Variants in FANCC observed in about 807,000 individuals in gnomAD.
FANCC encodes the protein Fanconi anemia group C protein.
A neutral mutation model predicts 71.3 loss-of-function variants in FANCC; 55 were observed. The ratio of observed to expected loss-of-function variants is 0.77; its 90% CI spans 0.62 to 0.97. FANCC has a LOEUF of 0.97. Among genes scored for constraint, FANCC ranks in the 50% least tolerant of loss-of-function variants. The probability of loss-of-function intolerance (pLI) is 0.00; values close to 1 mark genes in which losing one functional copy is unlikely to be tolerated. For synonymous variants in FANCC, 275 were observed against 244.9 expected (o/e 1.12, Z -1.15); for missense variants, 678 against 670.9 (o/e 1.01, Z -0.12).
chr9:95,099,646 TGAA>T lies in FANCC; in HGVS notation c.*2058_*2060del. ...GGCTGGGAAAGGGCAAAGGGCCACA[TGAA>T]GCCAGCAGGCACTTCAGTGCCACGT... On this transcript the variant is annotated 3_prime_UTR_variant, in exon 15 of 15. Coordinates refer to ENST00000289081, the MANE Select transcript of FANCC (RefSeq NM_000136.3). 1 of 231,410 alleles carries T rather than the reference TGAA, an allele frequency of 4.3e-6. No individual in the cohort carries two copies. Among genetic ancestry groups the T allele is most frequent in the Non-Finnish European group, 8.5e-6 (1 of 117,032 alleles). The allele number at this position is 231,410 out of a possible 1,614,324, so 14.3% of individuals were successfully genotyped here.
At chr9:95,111,182 T>C (rs1310627255) in intron 13 of FANCC, 1 of 1,536,002 alleles carries the variant, frequency 6.5e-7, no homozygotes, top group South Asian at 1.2e-5. Flanking sequence ...ATATGGCAGC[T>C]GAGCAATAAC....
rs575262012 is a variant in FANCC, at chr9:95,292,501, C to T, written c.-79+25025G>A. On this transcript the variant is annotated intron_variant, in intron 1 of 14. Transcript: ENST00000289081. ...AGCCGGCCGCGGCCCGCGGGGGTGA[C>T]GCAGCAGCCCGCGGCCTCCGTGCTG... is the stretch of plus-strand genomic sequence containing the variant. The T allele has an allele frequency of 8.9e-4, 1,287 of 1,440,166 alleles. 14 individuals carry two copies. In the South Asian group the frequency reaches 0.017, roughly 19 times the overall value. 89.2% of individuals were successfully genotyped at this position (1,440,166 alleles called of 1,614,324 possible). A position where few individuals can be genotyped will look rare whatever the true frequency, so the allele number is the denominator to read the frequency against.
chr9:95,126,813 A>T (rs1216969177), intron 8 of FANCC: 5 of 510,856 alleles, frequency 9.8e-6, no homozygotes, highest in Non-Finnish European at 7.1e-6. Flanking sequence ...ATACTCCTGT[A>T]TGTCCCACAT....
At chr9:95,150,863 A>C (rs1830133073) in intron 6 of FANCC, among the ~76,000 whole-genome samples, 1 of 152,204 alleles carries the variant, frequency 6.6e-6, no homozygotes, top group Non-Finnish European at 1.5e-5. Flanking sequence ...CCCTGGTTGC[A>C]GCTCAAATGT....
intron 1 of FANCC, among the ~76,000 whole-genome samples, chr9:95,255,692 A>C (rs1160793497): frequency 6.6e-6 from 1 of 152,096 alleles, no homozygotes; most frequent in Non-Finnish European, 1.5e-5. Flanking sequence ...CTGGACGGAC[A>C]ATTAGTTTGA....
intron 1 of FANCC, among the ~76,000 whole-genome samples, chr9:95,272,522 C>G (rs79809020): frequency 6.6e-6 from 1 of 151,924 alleles, no homozygotes; most frequent in East Asian, 1.9e-4. Context: ...ACAGTGAAAC[C>G]CTGTCACTAC....
intron 8 of FANCC, among the ~76,000 whole-genome samples, chr9:95,128,068 C>T (rs1484838954): frequency 6.6e-6 from 1 of 152,130 alleles, no homozygotes; most frequent in African/African-American, 2.4e-5. Context: ...GCAGGACCAC[C>T]GTTCAAGAGA....
chr9:95,212,072 G>T (rs1828540301), intron 4 of FANCC, among the ~76,000 whole-genome samples: 1 of 152,038 alleles, frequency 6.6e-6, no homozygotes, highest in South Asian at 2.1e-4. Context: ...AAAGGAAGCA[G>T]AGAGAGAAAA....
intron 6 of FANCC, among the ~76,000 whole-genome samples, chr9:95,151,753 C>A (rs553057111): frequency 4.3e-4 from 65 of 152,130 alleles, no homozygotes; most frequent in Non-Finnish European, 6.9e-4. Context: ...CATGGAGAAA[C>A]CCCAACTCTA....
intron 4 of FANCC, among the ~76,000 whole-genome samples, chr9:95,232,115 G>T (rs1029446148): frequency 1.3e-5 from 2 of 152,172 alleles, no homozygotes; most frequent in African/African-American, 4.8e-5. Flanking sequence ...AAGGTGAAGG[G>T]GGAGCAGGCA....
At chr9:95,276,625 G>A (rs1160562795) in intron 1 of FANCC, among the ~76,000 whole-genome samples, 1 of 152,170 alleles carries the variant, frequency 6.6e-6, no homozygotes, top group Non-Finnish European at 1.5e-5. Context: ...GATTTGAGTA[G>A]GATCTCAAGA....
chr9:95,163,900 T>G (rs189980137), intron 6 of FANCC, among the ~76,000 whole-genome samples: 2 of 152,196 alleles, frequency 1.3e-5, no homozygotes, highest in African/African-American at 4.8e-5. Context: ...TACCCATCTA[T>G]GAACATGGGA....
chr9:95,292,746 T>C, intron 1 of FANCC: 1 of 1,377,510 alleles, frequency 7.3e-7, no homozygotes, highest in Non-Finnish European at 1.0e-6. Flanking sequence ...AATCGAAGGC[T>C]GCCCCAGAGG....
intron 1 of FANCC, among the ~76,000 whole-genome samples, chr9:95,288,641 T>A (rs1833829268): frequency 6.6e-6 from 1 of 152,208 alleles, no homozygotes; most frequent in African/African-American, 2.4e-5. Flanking sequence ...GTTACCAAGC[T>A]CTTGCCAGGG....
chr9:95,277,939 C>A (rs1370403743), intron 1 of FANCC, among the ~76,000 whole-genome samples: 1 of 152,078 alleles, frequency 6.6e-6, no homozygotes, highest in East Asian at 1.9e-4. Flanking sequence ...TGAATCCACA[C>A]AATAAAAGAA....
At chr9:95,193,266 T>C (rs957916540) in intron 4 of FANCC, among the ~76,000 whole-genome samples, 6 of 152,120 alleles carry the variant, frequency 3.9e-5, no homozygotes, top group African/African-American at 1.4e-4. Context: ...ACCTGAAAGG[T>C]AAGAAAAGAG....
intron 1 of FANCC, among the ~76,000 whole-genome samples, chr9:95,308,970 T>C (rs1418272717): frequency 6.6e-6 from 1 of 152,156 alleles, no homozygotes; most frequent in Non-Finnish European, 1.5e-5. Context: ...ATTGCACTAC[T>C]GCACTCCAGC....
chr9:95,164,155 A>AT (rs1830927509), intron 6 of FANCC, among the ~76,000 whole-genome samples: 2 of 152,152 alleles, frequency 1.3e-5, no homozygotes, highest in African/African-American at 4.8e-5. Flanking sequence ...AGTTCTAACA[A>AT]TTTTTTTGTG....
At chr9:95,136,943 G>A (rs528067322) in intron 7 of FANCC, among the ~76,000 whole-genome samples, 4 of 152,312 alleles carry the variant, frequency 2.6e-5, no homozygotes, top group African/African-American at 9.6e-5. Flanking sequence ...ATACAGTAGA[G>A]CTGCCCCCGA....
Sources: gnomAD v4.1 joint callset for allele counts (sites outside exome capture counted in the v4.1 genomes callset) on GRCh38, gnomAD v4.1.1 for gene constraint, MANE v1.5 for transcripts, NCBI Gene and HGNC (gene_info 2026-07-23, HGNC 2026-07-21) for gene names.